Variants in RASGEF1C observed in about 807,000 individuals in gnomAD.
The protein encoded by RASGEF1C is ras-GEF domain-containing family member 1C.
Under a neutral mutation model 58.1 loss-of-function variants are expected in RASGEF1C, and 27 were observed. That is an observed-to-expected ratio of 0.46 (90% CI 0.34 to 0.64). RASGEF1C has a LOEUF of 0.64. Among genes scored for constraint, RASGEF1C ranks in the 30% least tolerant of loss-of-function variants. The pLI is 0.01. For missense variants in RASGEF1C, 502 were observed against 605.1 expected, an observed-to-expected ratio of 0.83 and a Z score of 1.79; for synonymous variants, 243 against 246.3, an observed-to-expected ratio of 0.99 and a Z score of 0.13.
Position 180,209,131 on chromosome 5 carries a change from G to GC in RASGEF1C, c.-111dup, listed in dbSNP as rs1561762999. On this transcript the variant is annotated 5_prime_UTR_variant, in exon 1 of 14. Coordinates refer to ENST00000361132, the MANE Select transcript of RASGEF1C (RefSeq NM_175062.4). ...GCCGCCCGCCGCCGCCGCCGCCGCC[G>GC]CCGCCGCCGCCGCCGCCGCCCGACC... 1 of 22,682 alleles carries GC rather than the reference G, an allele frequency of 4.4e-5. No individual in the cohort carries two copies. Among genetic ancestry groups the GC allele is most frequent in the Non-Finnish European group, 9.1e-5 (1 of 10,940 alleles). 1.4% of individuals were successfully genotyped at this position (22,682 alleles called of 1,614,324 possible).
chr5:180,179,990 G>C (rs946274964), intron 1 of RASGEF1C, among the ~76,000 whole-genome samples: 2 of 152,224 alleles, frequency 1.3e-5, no homozygotes, highest in South Asian at 4.1e-4. Flanking sequence ...AGGACCGGGC[G>C]AGTGGGCAGA....
intron 1 of RASGEF1C, among the ~76,000 whole-genome samples, chr5:180,195,724 T>A (rs558030216): frequency 2.8e-4 from 42 of 149,128 alleles, no homozygotes; most frequent in Admixed American, 8.1e-4. Flanking sequence ...ATCACACCAC[T>A]ACTGCACTCC....
intron 1 of RASGEF1C, among the ~76,000 whole-genome samples, chr5:180,176,791 CATGATCCGCCCG>C (rs1767235380): frequency 6.6e-6 from 1 of 152,142 alleles, no homozygotes; most frequent in Admixed American, 6.5e-5. Context: ...CTCCTGACTT[CATGATCCGCCCG>C]CCTCGGCCTC....
rs71892414 is a variant in RASGEF1C at position 180,121,681 on chromosome 5, A to ACACCC, written c.715-533_715-532insGGGTG. Among the ~76,000 whole-genome samples, 32 of 73,466 alleles carry ACACCC rather than the reference A, an allele frequency of 4.4e-4. 1 individual carries two copies. Among genetic ancestry groups the ACACCC allele is most frequent in the African/African-American group, 1.0e-3 (30 of 29,432 alleles). 48.2% of individuals were successfully genotyped at this position (73,466 alleles called of 152,430 possible). Reference sequence around the variant, plus strand: ...CACACACACACACACACACACACACACCCTCATTATTCCTGGATCCTGTAT... The same window carrying ACACCC: ...CACACACACACACACACACACACACACACCCCCCTCATTATTCCTGGATCCTGTAT... On this transcript the variant is annotated intron_variant, in intron 6 of 13. Coordinates refer to ENST00000361132, the MANE Select transcript of RASGEF1C (RefSeq NM_175062.4).
chr5:180,148,552 T>C (rs1766694103), intron 1 of RASGEF1C, among the ~76,000 whole-genome samples: 1 of 152,184 alleles, frequency 6.6e-6, no homozygotes, highest in South Asian at 2.1e-4. Context: ...ATCCTAAAGT[T>C]ACAACACTCT....
intron 1 of RASGEF1C, among the ~76,000 whole-genome samples, chr5:180,175,988 G>A (rs571301047): frequency 1.1e-3 from 166 of 152,170 alleles, no homozygotes; most frequent in African/African-American, 3.8e-3. Flanking sequence ...ACTCCGTCTC[G>A]AAGAAAAAAG....
In RASGEF1C at chr5:180,137,706, A is replaced by G. The variant is rs1023800520; in HGVS notation, c.184T>C (p.Tyr62His). 6.2e-7 allele frequency: 1 copy of G among 1,612,868 alleles called. No individual in the cohort carries two copies. The highest frequency in any genetic ancestry group is 1.3e-5 in the African/African-American group (1 of 74,906). Residue 62 changes from tyrosine to histidine, a missense_variant, in exon 3 of 14, where the codon TAC (tyrosine) becomes CAC (histidine). Tyr to His is a moderately conservative substitution (Grantham distance 83). Coordinates refer to ENST00000361132, the MANE Select transcript of RASGEF1C (RefSeq NM_175062.4). This position sits in a 1 kb window ranked among gnomAD's most constrained non-coding sequence, Gnocchi z 4.1. ...PTADYYPEKA[Y>H]IFTFLLSSRL... is the part of the protein sequence containing the mutation. The stretch of plus-strand genomic sequence containing the variant: ...GAGCTCAGCAGGAAGGTGAAGATGT[A>G]GGCTTTCTGGGGGACACACGAGAAA...
At chr5:180,161,325 G>A (rs72813683) in intron 1 of RASGEF1C, among the ~76,000 whole-genome samples, 2,006 of 152,366 alleles carry the variant, frequency 0.013, 21 homozygotes, top group Non-Finnish European at 0.022. Context: ...TTTGGGAGGT[G>A]AGTGGGCTCC....
At chr5:180,139,082 G>A (rs552310564) in intron 1 of RASGEF1C, among the ~76,000 whole-genome samples, 1 of 152,274 alleles carries the variant, frequency 6.6e-6, no homozygotes, top group South Asian at 2.1e-4. Flanking sequence ...TCCAGGCAGA[G>A]GCCAGAGCAC....
In RASGEF1C at chr5:180,174,490, G is replaced by A. The variant is rs545667550; in HGVS notation, c.-7+34538C>T. On this transcript the variant is annotated intron_variant, in intron 1 of 13. Coordinates refer to ENST00000361132, the MANE Select transcript of RASGEF1C (RefSeq NM_175062.4). ...TGTGTGTATGTGTGTCTGTGTGTGCGCGTGTGTGTCTGTGTGTGCGTGCGC... is the reference window on the plus strand; with the variant it reads ...TGTGTGTATGTGTGTCTGTGTGTGCACGTGTGTGTCTGTGTGTGCGTGCGC... 1.6e-4 allele frequency among the ~76,000 whole-genome samples: 20 copies of A among 124,198 alleles called. No homozygotes were observed. In the East Asian group the frequency reaches 1.9e-3, roughly 12 times the overall value. The allele number at this position is 124,198 out of a possible 152,430, so 81.5% of individuals were successfully genotyped here. A position where few individuals can be genotyped will look rare whatever the true frequency, so the allele number is the denominator to read the frequency against.
intron 8 of RASGEF1C, 99 bp from the exon 9 acceptor site, chr5:180,118,965 C>G: frequency 9.0e-7 from 1 of 1,113,922 alleles, no homozygotes; most frequent in African/African-American, 1.5e-5. Flanking sequence ...GGGCTGAGGT[C>G]TGCAGGGCTC....
intron 1 of RASGEF1C, among the ~76,000 whole-genome samples, chr5:180,162,292 C>T (rs1257927999): frequency 6.6e-6 from 1 of 152,244 alleles, no homozygotes; most frequent in Admixed American, 6.5e-5. Context: ...GTGGCATTGG[C>T]TCCTGAGTTC....
intron 1 of RASGEF1C, among the ~76,000 whole-genome samples, chr5:180,207,602 C>T (rs1004197834): frequency 1.6e-4 from 24 of 152,314 alleles, no homozygotes; most frequent in East Asian, 1.4e-3. Context: ...CCAGTCCCGC[C>T]CTGGGCTCCG....
chr5:180,203,159 G>T (rs956389664), intron 1 of RASGEF1C, among the ~76,000 whole-genome samples: 1 of 152,160 alleles, frequency 6.6e-6, no homozygotes. Context: ...TCTACCTCTT[G>T]GTGTTCATAC....
chr5:180,200,198 G>A (rs1034075309), intron 1 of RASGEF1C, among the ~76,000 whole-genome samples: 13 of 151,800 alleles, frequency 8.6e-5, no homozygotes, highest in South Asian at 4.2e-4. Context: ...CCTGGGAGGC[G>A]GAGGTTGCAG....
chr5:180,129,774 G>A (rs923749873), intron 4 of RASGEF1C, among the ~76,000 whole-genome samples: 4 of 152,198 alleles, frequency 2.6e-5, no homozygotes, highest in African/African-American at 7.2e-5. Flanking sequence ...TGCCCAGGCC[G>A]GCTCCTGGCT....
intron 1 of RASGEF1C, among the ~76,000 whole-genome samples, chr5:180,189,923 CAAAA>C (rs71001085): frequency 1.1e-4 from 4 of 37,204 alleles, no homozygotes; most frequent in African/African-American, 1.0e-4. Flanking sequence ...AACTCCATCT[CAAAA>C]AAAAAAAAAA....
intron 1 of RASGEF1C, among the ~76,000 whole-genome samples, chr5:180,169,347 G>A (rs1561749257): frequency 6.6e-6 from 1 of 152,198 alleles, no homozygotes; most frequent in African/African-American, 2.4e-5. Flanking sequence ...TCGCCTCGGA[G>A]TAAGGGCCTT....
Position 180,101,350 on chromosome 5 carries a change from G to T in RASGEF1C, c.*151C>A. 1.4e-6 allele frequency: 1 copy of T among 701,884 alleles called. No homozygotes were observed. The highest frequency in any genetic ancestry group is 3.6e-5 in the African/African-American group (1 of 27,504). 43.5% of individuals were successfully genotyped at this position (701,884 alleles called of 1,614,324 possible). ...GGTCTCCTGTGCCCGTATGGCCACTGTGGGGGGGGGGGGGGCGGGCAGCAG... is the reference window on the plus strand; with the variant it reads ...GGTCTCCTGTGCCCGTATGGCCACTTTGGGGGGGGGGGGGGCGGGCAGCAG... On this transcript the variant is annotated 3_prime_UTR_variant, in exon 14 of 14. Transcript: ENST00000361132.
Sources: allele counts gnomAD v4.1 joint callset (sites outside exome capture counted in the v4.1 genomes callset), GRCh38; gene constraint gnomAD v4.1.1; non-coding constraint Gnocchi (gnomAD v3.1); transcripts MANE v1.5; gene names NCBI Gene and HGNC (gene_info 2026-07-23, HGNC 2026-07-21).